The following MEI4 variants were observed in gnomAD, a reference collection of about 807,000 sequenced individuals.
MEI4 encodes the protein meiosis-specific protein MEI4.
In MEI4, 27 loss-of-function variants were observed where a neutral mutation model predicts 31.4. The observed-to-expected ratio is 0.86, with a 90% CI of 0.63 to 1.19. The LOEUF (loss-of-function observed/expected upper bound fraction) is 1.19, where lower values mean the gene tolerates loss of function less well. Among genes scored for constraint, MEI4 ranks in the 50% most tolerant of loss-of-function variants. The pLI, the probability that MEI4 is intolerant of heterozygous loss-of-function variation, is 0.00. For missense variants in MEI4, 329 were observed against 398.9 expected, an observed-to-expected ratio of 0.82 and a Z score of 1.49; for synonymous variants, 122 against 145.4, an observed-to-expected ratio of 0.84 and a Z score of 1.16.
At chr6:77,682,710 TGCCTACTGTGA>T (rs564937020) in intron 1 of MEI4, among the ~76,000 whole-genome samples, 211 of 152,294 alleles carry the variant, frequency 1.4e-3, no homozygotes, top group African/African-American at 4.5e-3. Flanking sequence ...TTTAGTTGTG[TGCCTACTGTGA>T]GCCAGTATTC....
chr6:77,806,592 A>T (rs1483403320), intron 3 of MEI4, among the ~76,000 whole-genome samples: 2 of 152,172 alleles, frequency 1.3e-5, no homozygotes, highest in African/African-American at 4.8e-5. Flanking sequence ...TGAACCAATG[A>T]TTTATCAAGG....
At chr6:77,781,557 T>C (rs1582135459) in intron 3 of MEI4, among the ~76,000 whole-genome samples, 1 of 152,216 alleles carries the variant, frequency 6.6e-6, no homozygotes, top group Non-Finnish European at 1.5e-5. Context: ...GTAATTCACA[T>C]AAACATTAAA....
chr6:77,785,826 A>G (rs764259983), intron 3 of MEI4, among the ~76,000 whole-genome samples: 3 of 152,140 alleles, frequency 2.0e-5, no homozygotes, highest in Non-Finnish European at 4.4e-5. Flanking sequence ...TTGCAACTGT[A>G]GTTGGATATA....
At chr6:77,922,897 C>A (rs912950854) in intron 4 of MEI4, among the ~76,000 whole-genome samples, 192 bp from the exon 5 acceptor site, 1 of 151,686 alleles carries the variant, frequency 6.6e-6, no homozygotes, top group South Asian at 2.1e-4. Flanking sequence ...AAAAGTCATT[C>A]ACCATGATTG....
chr6:77,680,337 A>G (rs1768934095), intron 1 of MEI4, among the ~76,000 whole-genome samples: 1 of 151,942 alleles, frequency 6.6e-6, no homozygotes, highest in East Asian at 1.9e-4. Flanking sequence ...TGGGGGTTGT[A>G]GTGGTACTCA....
intron 1 of MEI4, among the ~76,000 whole-genome samples, chr6:77,655,537 G>A (rs1377747577): frequency 6.6e-6 from 1 of 152,040 alleles, no homozygotes; most frequent in Non-Finnish European, 1.5e-5. Context: ...TCTTGGATGC[G>A]GGCTTTTTTC....
chr6:77,917,780 C>A (rs369061738), intron 4 of MEI4, among the ~76,000 whole-genome samples: 1 of 151,112 alleles, frequency 6.6e-6, no homozygotes. Context: ...AATGAGATAC[C>A]ATTTGTCAAT....
At position 77,678,865 on chromosome 6, in the gene MEI4, T is replaced by G. The variant is rs115710079; in HGVS notation, c.-14-11793T>G. 7.6e-3 allele frequency among the ~76,000 whole-genome samples: 1,157 copies of G among 152,256 alleles called. 18 individuals carry two copies. The highest frequency in any genetic ancestry group is 0.027 in the African/African-American group (1,109 of 41,550). Reference sequence around the variant, plus strand: ...GACAAGATGTGGAGGTTGAAGACATTGATATTGATGTTCTTGACCCTGTGT... The same window carrying G: ...GACAAGATGTGGAGGTTGAAGACATGGATATTGATGTTCTTGACCCTGTGT... On this transcript the variant is annotated intron_variant, in intron 1 of 4. Transcript: ENST00000684080.
chr6:77,852,554 C>CT (rs937314666), intron 4 of MEI4, among the ~76,000 whole-genome samples: 2 of 146,566 alleles, frequency 1.4e-5, no homozygotes, highest in African/African-American at 5.0e-5. Context: ...TGCTTTTTTA[C>CT]TTTTTTTGTT....
At chr6:77,753,451 G>C (rs80205976) in intron 2 of MEI4, among the ~76,000 whole-genome samples, 42,661 of 152,052 alleles carry the variant, frequency 0.28, 6,759 homozygotes, top group South Asian at 0.39. Context: ...GATTTCAACA[G>C]ACACTTCTCA....
At position 77,761,472 on chromosome 6, in the gene MEI4, A is replaced by G. The variant is rs749543108; in HGVS notation, c.575A>G (p.Asp192Gly). 4.1e-6 allele frequency: 5 copies of G among 1,232,144 alleles called. No homozygotes were observed. The highest frequency in any genetic ancestry group is 8.4e-5 in the Admixed American group (2 of 23,716). 76.3% of individuals were successfully genotyped at this position (1,232,144 alleles called of 1,614,324 possible). The change falls in exon 3 of 5, where the codon GAT (aspartate) becomes GGT (glycine). Residue 192 changes from aspartate (D) to glycine (G), a missense_variant. Asp to Gly is a moderately conservative substitution (Grantham distance 94). Coordinates refer to ENST00000684080, the MANE Select transcript of MEI4 (RefSeq NM_001322247.2). The stretch of plus-strand genomic sequence containing the variant: ...TCTGATTCTGTTTTTCAATTGCTGG[A>G]TGGCCTGATCACTTTTTACCGTAAT... Reference protein sequence around the residue: ...TVSDSVFQLLDGLITFYRNPK... With the variant: ...TVSDSVFQLLGGLITFYRNPK...
intron 4 of MEI4, among the ~76,000 whole-genome samples, chr6:77,911,029 A>AT (rs971466324): frequency 1.8e-4 from 27 of 149,670 alleles, no homozygotes; most frequent in African/African-American, 5.9e-4. Context: ...TACATTGAGC[A>AT]TTTTTTTGTA....
chr6:77,726,485 C>G lies in MEI4; in HGVS notation c.233-34645C>G, dbSNP rs193138661. Among the ~76,000 whole-genome samples, 562 of 152,214 alleles carry G rather than the reference C, an allele frequency of 3.7e-3. 5 individuals carry two copies. The highest frequency in any genetic ancestry group is 2.0e-3 in the Non-Finnish European group (134 of 68,024). ...TTTCAGAGAAGAGACAGCATGTGAA[C>G]AAGGAAGCGTAGAGCATCAATAAGC... On this transcript the variant is annotated intron_variant, in intron 2 of 4. Coordinates refer to ENST00000684080, the MANE Select transcript of MEI4 (RefSeq NM_001322247.2).
At chr6:77,733,287 T>C (rs964394188) in intron 2 of MEI4, among the ~76,000 whole-genome samples, 5 of 152,098 alleles carry the variant, frequency 3.3e-5, no homozygotes, top group Admixed American at 2.0e-4. Context: ...AGCTATTGAT[T>C]ACTGCCACAA....
intron 2 of MEI4, among the ~76,000 whole-genome samples, chr6:77,760,038 A>G (rs1373660337): frequency 6.6e-6 from 1 of 152,118 alleles, no homozygotes. Context: ...AAACAACCAC[A>G]ACTTTGTTTG....
intron 3 of MEI4, among the ~76,000 whole-genome samples, chr6:77,803,271 T>C (rs1769324180): frequency 6.6e-6 from 1 of 152,226 alleles, no homozygotes; most frequent in Non-Finnish European, 1.5e-5. Flanking sequence ...AATCGGCTAC[T>C]GAGGCTTGTG....
At chr6:77,663,915 C>T (rs1158491941) in intron 1 of MEI4, among the ~76,000 whole-genome samples, 4 of 152,276 alleles carry the variant, frequency 2.6e-5, no homozygotes, top group Non-Finnish European at 4.4e-5. Context: ...GTGAGTTGAA[C>T]AGTCCGATTT....
At chr6:77,867,387 C>G (rs1007725316) in intron 4 of MEI4, among the ~76,000 whole-genome samples, 3 of 151,092 alleles carry the variant, frequency 2.0e-5, no homozygotes, top group African/African-American at 7.3e-5. Flanking sequence ...AGAAATAACC[C>G]CATCAACAAG....
intron 1 of MEI4, among the ~76,000 whole-genome samples, chr6:77,674,973 T>C (rs551226255): frequency 1.0e-3 from 142 of 141,492 alleles, no homozygotes; most frequent in African/African-American, 3.7e-3. Context: ...GTGAAATTTA[T>C]TCATTTTGAT....
Sources: allele counts gnomAD v4.1 joint callset (sites outside exome capture counted in the v4.1 genomes callset), GRCh38; gene constraint gnomAD v4.1.1; transcripts MANE v1.5; gene names NCBI Gene and HGNC (gene_info 2026-07-23, HGNC 2026-07-21).